Variants in ACTR3B observed in about 807,000 individuals in gnomAD.
The protein encoded by ACTR3B is actin related protein 3B.
Under a neutral mutation model 59.0 loss-of-function variants are expected in ACTR3B, and 8 were observed. That is an observed-to-expected ratio of 0.14 (90% CI 0.08 to 0.24). The LOEUF (loss-of-function observed/expected upper bound fraction) is 0.24, where lower values mean the gene tolerates loss of function less well. ACTR3B is among the 10% of genes least tolerant of loss of function. The pLI, the probability that ACTR3B is intolerant of heterozygous loss-of-function variation, is 1.00. For synonymous variants in ACTR3B, 148 were observed against 197.9 expected (o/e 0.75, Z 2.12); for missense variants, 245 against 552.3 (o/e 0.44, Z 5.58).
At chr7:152,802,643 T>C (rs1202735120) in intron 4 of ACTR3B, among the ~76,000 whole-genome samples, 3 of 150,960 alleles carry the variant, frequency 2.0e-5, no homozygotes, top group Non-Finnish European at 4.4e-5. Flanking sequence ...ATTAATTATA[T>C]GTACAGAATG....
intron 2 of ACTR3B, among the ~76,000 whole-genome samples, chr7:152,784,262 C>T (rs2098164298): frequency 6.6e-6 from 1 of 152,108 alleles, no homozygotes; most frequent in African/African-American, 2.4e-5. Context: ...TTTTAGGGGG[C>T]CACGATGTTG....
At chr7:152,808,156 C>T (rs1409540611) in intron 4 of ACTR3B, among the ~76,000 whole-genome samples, 1 of 152,194 alleles carries the variant, frequency 6.6e-6, no homozygotes, top group East Asian at 1.9e-4. Flanking sequence ...CAGCTTACTT[C>T]ACTTAGCGTC....
chr7:152,793,029 T>G (rs1390918117), intron 2 of ACTR3B, among the ~76,000 whole-genome samples: 2 of 151,666 alleles, frequency 1.3e-5, no homozygotes, highest in Non-Finnish European at 1.5e-5. Context: ...TGAATTTTTT[T>G]TTTTTTTTTT....
chr7:152,849,016 G>C (rs1039612640), intron 9 of ACTR3B, among the ~76,000 whole-genome samples: 4 of 152,198 alleles, frequency 2.6e-5, no homozygotes, highest in African/African-American at 9.7e-5. Context: ...GAAGGCAGGT[G>C]CCCAGTGACC....
intron 2 of ACTR3B, among the ~76,000 whole-genome samples, chr7:152,783,848 G>T (rs2098162849): frequency 6.6e-6 from 1 of 151,944 alleles, no homozygotes; most frequent in African/African-American, 2.4e-5. Context: ...GCAGCACTTT[G>T]GGAGGCTGAG....
intron 2 of ACTR3B, among the ~76,000 whole-genome samples, chr7:152,784,815 T>C (rs546767967): frequency 6.6e-6 from 1 of 151,930 alleles, no homozygotes; most frequent in East Asian, 1.9e-4. Context: ...TCTCTGCTGA[T>C]AAGGCCACCA....
chr7:152,802,778 T>A (rs2098240714), intron 4 of ACTR3B, among the ~76,000 whole-genome samples: 1 of 152,198 alleles, frequency 6.6e-6, no homozygotes, highest in South Asian at 2.1e-4. Flanking sequence ...TAAAATTCTT[T>A]CTGATGTTAG....
chr7:152,810,097 C>G (rs1480905686), intron 4 of ACTR3B, among the ~76,000 whole-genome samples: 1 of 151,998 alleles, frequency 6.6e-6, no homozygotes, highest in Non-Finnish European at 1.5e-5. Flanking sequence ...ATTATTTCCC[C>G]TCTCCCTCCA....
chr7:152,811,493 A>T (rs1297802532), intron 4 of ACTR3B: 9 of 152,204 alleles, frequency 5.9e-5, no homozygotes, highest in African/African-American at 2.2e-4. Context: ...TGTGTGACAG[A>T]TACGTTTGGT....
At chr7:152,787,454 G>A (rs918074982) in intron 2 of ACTR3B, among the ~76,000 whole-genome samples, 59 of 151,834 alleles carry the variant, frequency 3.9e-4, no homozygotes, top group Non-Finnish European at 7.1e-4. Flanking sequence ...TTTTGATATA[G>A]TAATACTTTT....
intron 2 of ACTR3B, among the ~76,000 whole-genome samples, chr7:152,787,415 A>G (rs1389797266): frequency 6.6e-6 from 1 of 152,042 alleles, no homozygotes; most frequent in Non-Finnish European, 1.5e-5. Flanking sequence ...ATTTTTAAAA[A>G]TTATCTTTTA....
intron 1 of ACTR3B, among the ~76,000 whole-genome samples, chr7:152,780,539 G>C (rs1440880899): frequency 6.6e-6 from 1 of 151,142 alleles, no homozygotes; most frequent in Non-Finnish European, 1.5e-5. Context: ...TTGCTGAGTC[G>C]TATCATCAGT....
intron 2 of ACTR3B, among the ~76,000 whole-genome samples, chr7:152,795,037 T>TCTA (rs1554437812): frequency 1.6e-5 from 2 of 126,384 alleles, no homozygotes; most frequent in African/African-American, 3.0e-5. Flanking sequence ...TTTCACTCTC[T>TCTA]TTTTTTTTTT....
chr7:152,831,593 C>T (rs939173292), intron 9 of ACTR3B, among the ~76,000 whole-genome samples: 1 of 152,370 alleles, frequency 6.6e-6, no homozygotes, highest in Middle Eastern at 3.4e-3. Flanking sequence ...GGCCGTCCTA[C>T]AGGACGACTC....
chr7:152,800,824 A>T (rs576251383), intron 3 of ACTR3B, among the ~76,000 whole-genome samples, 169 bp downstream of exon 3: 2 of 152,308 alleles, frequency 1.3e-5, no homozygotes, highest in African/African-American at 4.8e-5. Context: ...GGTATTTTTG[A>T]TTGGAGAATT....
chr7:152,825,900 C>A (rs996978101), intron 9 of ACTR3B, among the ~76,000 whole-genome samples: 1 of 151,982 alleles, frequency 6.6e-6, no homozygotes, highest in Non-Finnish European at 1.5e-5. Flanking sequence ...AATTTTGAAA[C>A]CTGGAATGAG....
rs1169600339 is a variant in ACTR3B, at chr7:152,843,021, T to A, written c.952-9105T>A. Among the ~76,000 whole-genome samples the A allele has an allele frequency of 7.2e-5, 11 of 152,358 alleles. 1 individual carries two copies. In the Middle Eastern group the frequency reaches 0.014, roughly 188 times the overall value. The stretch of plus-strand genomic sequence containing the variant: ...TTGTGAAATGTCCGTTTGAATCTTT[T>A]GCCCAATTTTAACTGATTTGTTTAT... On this transcript the variant is annotated intron_variant, in intron 9 of 11. Transcript: ENST00000256001.
intron 10 of ACTR3B, among the ~76,000 whole-genome samples, chr7:152,853,042 C>T (rs1798952313): frequency 6.6e-6 from 1 of 152,092 alleles, no homozygotes; most frequent in Non-Finnish European, 1.5e-5. Flanking sequence ...CCATGCGCCT[C>T]GGCCTCCCAA....
At chr7:152,783,553 T>G (rs2098161831) in intron 2 of ACTR3B, among the ~76,000 whole-genome samples, 1 of 152,128 alleles carries the variant, frequency 6.6e-6, no homozygotes, top group Non-Finnish European at 1.5e-5. Context: ...GTCTGTTAGC[T>G]TAGTAACTTA....
Sources: gnomAD v4.1 joint callset for allele counts (sites outside exome capture counted in the v4.1 genomes callset) on GRCh38, gnomAD v4.1.1 for gene constraint, MANE v1.5 for transcripts, NCBI Gene and HGNC (gene_info 2026-07-23, HGNC 2026-07-21) for gene names.